The following LRSAM1 variants were observed in gnomAD, a reference collection of about 807,000 sequenced individuals.
The protein encoded by LRSAM1 is leucine rich repeat and sterile alpha motif containing 1.
LRSAM1 carries 96 observed loss-of-function variants against 118.1 expected under a neutral mutation model. That is an observed-to-expected ratio of 0.81 (90% CI 0.69 to 0.96). The LOEUF is 0.96. Among genes scored for constraint, LRSAM1 ranks in the 40% least tolerant of loss-of-function variants. The pLI is 0.00. For missense variants in LRSAM1, 804 were observed against 915.5 expected, an observed-to-expected ratio of 0.88 and a Z score of 1.57; for synonymous variants, 322 against 364.2, an observed-to-expected ratio of 0.88 and a Z score of 1.32.
In LRSAM1 at chr9:127,478,981, C is replaced by T. The variant is rs1434171844; in HGVS notation, c.780+18C>T. 1.2e-6 allele frequency: 2 copies of T among 1,609,190 alleles called. No individual in the cohort carries two copies. Among genetic ancestry groups the T allele is most frequent in the East Asian group, 2.2e-5 (1 of 44,876 alleles). ...AGAGGAAGGTAAGAAAATGCCTTTA[C>T]CCTTCTGTCACTCTTTTCTCATTAA... On this transcript the variant is annotated intron_variant, in intron 12 of 25. Coordinates refer to ENST00000300417, the MANE Select transcript of LRSAM1 (RefSeq NM_001005373.4).
intron 16 of LRSAM1, among the ~76,000 whole-genome samples, chr9:127,484,349 G>T (rs569060770): frequency 5.1e-4 from 72 of 141,088 alleles, no homozygotes; most frequent in African/African-American, 1.9e-3. Flanking sequence ...AGTAAATAAC[G>T]TTGCATTTCC....
intron 7 of LRSAM1, 151 bp downstream of exon 7, chr9:127,459,222 T>TG (rs1038506712): frequency 9.5e-6 from 7 of 739,392 alleles, no homozygotes; most frequent in African/African-American, 9.0e-5. Flanking sequence ...TTGGGGTTTT[T>TG]TTTTTTTTTT....
At chr9:127,459,092 A>G (rs766742774) in intron 7 of LRSAM1, 21 bp downstream of exon 7, 2 of 1,612,142 alleles carry the variant, frequency 1.2e-6, no homozygotes, top group South Asian at 2.2e-5. Flanking sequence ...AGAAACAGAA[A>G]CCCACCTCGG....
intron 13 of LRSAM1, 52 bp downstream of exon 13, chr9:127,479,557 G>T (rs1835456681): frequency 6.2e-7 from 1 of 1,609,244 alleles, no homozygotes; most frequent in Admixed American, 1.7e-5. Context: ...CCAGCCAGTG[G>T]CCTCCTGGCT....
chr9:127,457,406 C>T lies in LRSAM1; in HGVS notation c.252+13C>T. 1.2e-6 allele frequency: 2 copies of T among 1,613,572 alleles called. No individual in the cohort carries two copies. Among genetic ancestry groups the T allele is most frequent in the South Asian group, 1.1e-5 (1 of 91,038 alleles). ...GGCAACCATCAAGGTACTGGGCCCTCCTCCCAGGCAGCTGGGGCTCTGCAT... is the reference window on the plus strand; with the variant it reads ...GGCAACCATCAAGGTACTGGGCCCTTCTCCCAGGCAGCTGGGGCTCTGCAT... On this transcript the variant is annotated intron_variant, in intron 6 of 25. Coordinates refer to ENST00000300417, the MANE Select transcript of LRSAM1 (RefSeq NM_001005373.4).
intron 9 of LRSAM1, among the ~76,000 whole-genome samples, chr9:127,464,407 T>G (rs12342959): frequency 9.1e-6 from 1 of 109,452 alleles, no homozygotes; most frequent in East Asian, 3.0e-4. Flanking sequence ...GTGTATCTAT[T>G]GAGCACCTGG....
chr9:127,459,214 G>C, intron 7 of LRSAM1, 143 bp downstream of exon 7: 1 of 740,184 alleles, frequency 1.4e-6, no homozygotes, highest in South Asian at 1.6e-5. Context: ...TTGGCCCTTT[G>C]GGGTTTTTTT....
chr9:127,457,213 G>A lies in LRSAM1; in HGVS notation c.175-103G>A, dbSNP rs1588093379. 6 of 1,272,626 alleles carry A rather than the reference G, an allele frequency of 4.7e-6. No homozygotes were observed. The East Asian group carries it at 1.4e-4, about 31-fold the overall frequency. The allele number at this position is 1,272,626 out of a possible 1,614,324, so 78.8% of individuals were successfully genotyped here. On this transcript the variant is annotated intron_variant, in intron 5 of 25. Coordinates refer to ENST00000300417, the MANE Select transcript of LRSAM1 (RefSeq NM_001005373.4). ...CCCGTGGTGGTGTCTGGGAGAGCAA[G>A]ATGGTGGGGCGTGGCACGGCGCTGG...
chr9:127,462,474 C>T, intron 9 of LRSAM1, 101 bp downstream of exon 9: 1 of 1,576,364 alleles, frequency 6.3e-7, no homozygotes, highest in Non-Finnish European at 8.7e-7. Context: ...GGTACCAGGG[C>T]CACACAGAGA....
At chr9:127,458,534 C>T (rs559053448) in intron 6 of LRSAM1, among the ~76,000 whole-genome samples, 8 of 152,006 alleles carry the variant, frequency 5.3e-5, no homozygotes, top group Admixed American at 1.3e-4. Context: ...GAGCTGAGGT[C>T]GTGCCACTGC....
At chr9:127,491,380 C>G (rs1835927798) in intron 20 of LRSAM1, 85 bp downstream of exon 20, 1 of 1,097,408 alleles carries the variant, frequency 9.1e-7, no homozygotes, top group Admixed American at 1.8e-5. Flanking sequence ...CAGCTGCTCA[C>G]CAGCCCCTGG....
At chr9:127,478,593 T>G (rs1835420491) in intron 11 of LRSAM1, among the ~76,000 whole-genome samples, 1 of 152,212 alleles carries the variant, frequency 6.6e-6, no homozygotes, top group African/African-American at 2.4e-5. Context: ...GTAGGTGTGT[T>G]ACGCAGACAT....
At chr9:127,495,831 A>ATGAG (rs1482615789) in intron 22 of LRSAM1, 133 bp from the exon 23 acceptor site, 2 of 1,351,486 alleles carry the variant, frequency 1.5e-6, no homozygotes, top group African/African-American at 1.4e-5. Flanking sequence ...GTGCCTACCT[A>ATGAG]TGAGTTTTTG....
intron 16 of LRSAM1, among the ~76,000 whole-genome samples, chr9:127,484,785 T>C (rs1220679359): frequency 6.6e-6 from 1 of 151,096 alleles, no homozygotes; most frequent in Non-Finnish European, 1.5e-5. Flanking sequence ...TTCAATTATT[T>C]TAATTTTTTG....
At position 127,503,118 on chromosome 9, in the gene LRSAM1, G is replaced by T. The variant is rs1836460680; in HGVS notation, c.*219G>T. Reference sequence around the variant, plus strand: ...CACCACCAGTCTGAATGGTCCTGGGGGCTGGGGCTGGAGAGGCCGCTGCAC... The same window carrying T: ...CACCACCAGTCTGAATGGTCCTGGGTGCTGGGGCTGGAGAGGCCGCTGCAC... On this transcript the variant is annotated 3_prime_UTR_variant, in exon 26 of 26. Coordinates refer to ENST00000300417, the MANE Select transcript of LRSAM1 (RefSeq NM_001005373.4). 4.8e-6 allele frequency: 3 copies of T among 626,328 alleles called. No individual in the cohort carries two copies. The highest frequency in any genetic ancestry group is 5.8e-5 in the Admixed American group (2 of 34,594). 38.8% of individuals were successfully genotyped at this position (626,328 alleles called of 1,614,324 possible). A position where few individuals can be genotyped will look rare whatever the true frequency, so the allele number is the denominator to read the frequency against.
rs1032980819 is a variant in LRSAM1, at chr9:127,500,950, C to A, written c.1913-60C>A. The stretch of plus-strand genomic sequence containing the variant: ...GGGATGGGCAGGGCCACAATGAGCC[C>A]CCAGGGGTTAGGGTCAGCGGAGATG... On this transcript the variant is annotated intron_variant, in intron 24 of 25. Transcript: ENST00000300417. 18 of 1,612,268 alleles carry A rather than the reference C, an allele frequency of 1.1e-5. No individual in the cohort carries two copies. The African/African-American group carries it at 2.3e-4, about 20-fold the overall frequency.
chr9:127,501,122 T>C lies in LRSAM1; in HGVS notation c.2025T>C (p.Cys675=), dbSNP rs1266396168. The C allele has an allele frequency of 1.2e-6, 2 of 1,613,584 alleles. No homozygotes were observed. The stretch of plus-strand genomic sequence containing the variant: ...AGCTGGAGGTGCAGGCCTCAGAGTG[T>C]GTCGTGTGCCTGGAACGGGAGGTAA... ...PAELEVQASE[C]VVCLEREAQM... Residue 675 remains cysteine (C), a synonymous_variant, in exon 25 of 26, where the codon TGT becomes TGC. Coordinates refer to ENST00000300417, the MANE Select transcript of LRSAM1 (RefSeq NM_001005373.4).
intron 6 of LRSAM1, 74 bp from the exon 7 acceptor site, chr9:127,458,929 C>T: frequency 6.7e-7 from 1 of 1,503,248 alleles, no homozygotes; most frequent in South Asian, 1.1e-5. Flanking sequence ...GCCCCAGCCC[C>T]TCCTCAGCGC....
intron 10 of LRSAM1, among the ~76,000 whole-genome samples, chr9:127,470,467 G>C (rs1184584479): frequency 6.6e-6 from 1 of 151,960 alleles, no homozygotes; most frequent in Non-Finnish European, 1.5e-5. Context: ...CAACACGTGG[G>C]GATTACAATT....
Sources: gnomAD v4.1 joint callset for allele counts (sites outside exome capture counted in the v4.1 genomes callset) on GRCh38, gnomAD v4.1.1 for gene constraint, MANE v1.5 for transcripts, NCBI Gene and HGNC (gene_info 2026-07-23, HGNC 2026-07-21) for gene names.